Variants in NOS1 observed in about 807,000 individuals in gnomAD.
The protein encoded by NOS1 is nitric oxide synthase 1.
Under a neutral mutation model 164.5 loss-of-function variants are expected in NOS1, and 51 were observed. The observed-to-expected ratio is 0.31, with a 90% CI of 0.25 to 0.39. The LOEUF is 0.39. Ranked by LOEUF, NOS1 falls within the 10% of genes least tolerant of loss-of-function variation. The pLI, the probability that NOS1 is intolerant of heterozygous loss-of-function variation, is 1.00. For synonymous variants in NOS1, 719 were observed against 745.8 expected (o/e 0.96, Z 0.59); for missense variants, 1,362 against 1,885.6 (o/e 0.72, Z 5.14).
chr12:117,220,651 T>C (rs1566024031), intron 26 of NOS1, among the ~76,000 whole-genome samples: 1 of 152,078 alleles, frequency 6.6e-6, no homozygotes, highest in Non-Finnish European at 1.5e-5. Flanking sequence ...CATTTCCAGG[T>C]GTGCAGCTGG....
chr12:117,306,990 C>T (rs530535822), intron 3 of NOS1, among the ~76,000 whole-genome samples: 1 of 152,214 alleles, frequency 6.6e-6, no homozygotes, highest in Non-Finnish European at 1.5e-5. Flanking sequence ...CTTCAAAACC[C>T]TGAGGTCCTG....
chr12:117,296,165 A>G (rs1873402635), intron 3 of NOS1, among the ~76,000 whole-genome samples: 1 of 152,172 alleles, frequency 6.6e-6, no homozygotes, highest in Non-Finnish European at 1.5e-5. Flanking sequence ...AGTTTGTTCT[A>G]TCCCTGAAAC....
At chr12:117,335,714 T>C (rs914559171) in intron 1 of NOS1, among the ~76,000 whole-genome samples, 2 of 99,620 alleles carry the variant, frequency 2.0e-5, no homozygotes, top group African/African-American at 8.2e-5. Context: ...TTTTATTTAA[T>C]TGTTACAGAC....
At chr12:117,232,418 A>T (rs758374343) in intron 21 of NOS1, among the ~76,000 whole-genome samples, 31 of 152,120 alleles carry the variant, frequency 2.0e-4, no homozygotes, top group African/African-American at 6.5e-4. Flanking sequence ...CTATACAATG[A>T]GCCCCCAGCT....
rs551441757 is a variant in NOS1, at chr12:117,289,678, C to A, written c.981+620G>T. On this transcript the variant is annotated intron_variant, in intron 4 of 28. Transcript: ENST00000317775. ...TCCTAATGAGGAGCACTCTTTTTTA[C>A]AGACTAAGAGTATTTAAGGGTTTAG... 2.4e-4 allele frequency among the ~76,000 whole-genome samples: 37 copies of A among 152,282 alleles called. 1 individual carries two copies. Among genetic ancestry groups the A allele is most frequent in the African/African-American group, 8.9e-4 (37 of 41,556 alleles).
At chr12:117,283,648 G>A (rs942176689) in intron 7 of NOS1, among the ~76,000 whole-genome samples, 2 of 152,040 alleles carry the variant, frequency 1.3e-5, no homozygotes, top group African/African-American at 2.4e-5. Flanking sequence ...CTGAGGTCAG[G>A]AGTTTGAAAC....
In NOS1 at chr12:117,334,355, G is replaced by A. The variant is rs943047465; in HGVS notation, c.-420-2866C>T. Among the ~76,000 whole-genome samples, 3 of 152,154 alleles carry A rather than the reference G, an allele frequency of 2.0e-5. No homozygotes were observed. In the East Asian group the frequency reaches 5.8e-4, roughly 29 times the overall value. ...TTCTGTCTGCTGAGAGACAGAGACA[G>A]AGAGGGAGGGAGACAGCAAGCTCTG... On this transcript the variant is annotated intron_variant, in intron 1 of 28. Transcript: ENST00000317775.
Position 117,232,067 on chromosome 12 carries a change from C to T in NOS1, c.3300G>A (p.Lys1100=). 1 of 1,612,282 alleles carries T rather than the reference C, an allele frequency of 6.2e-7. No homozygotes were observed. The part of the protein sequence containing the change: ...LPPCTIFQAF[K]YYLDITTPPT... ...GTGGCGTGGTGATGTCCAGGTAGTA[C>T]TTGAAGGCCTGGAAGATGGTGCAGG... The change falls in exon 22 of 29, where the codon AAG becomes AAA. Residue 1100 remains lysine (K), a synonymous_variant. Coordinates refer to ENST00000317775, the MANE Select transcript of NOS1 (RefSeq NM_000620.5).
In NOS1 at chr12:117,292,043, C is replaced by T. The variant is rs149272662; in HGVS notation, c.853-1617G>A. Among the ~76,000 whole-genome samples the T allele has an allele frequency of 8.7e-3, 1,319 of 152,256 alleles. 25 individuals are homozygous for T. Among genetic ancestry groups the T allele is most frequent in the African/African-American group, 0.03 (1,240 of 41,556 alleles). ...CAAAGAGTACATCAGTGCACAGTGA[C>T]CTTGAGGCAGGGCATTCATACATTC... is the stretch of plus-strand genomic sequence containing the variant. On this transcript the variant is annotated intron_variant, in intron 3 of 28. Transcript: ENST00000317775.
chr12:117,236,365 A>G (rs1333550125), intron 20 of NOS1, among the ~76,000 whole-genome samples: 5 of 152,134 alleles, frequency 3.3e-5, no homozygotes, highest in Admixed American at 6.5e-5. Flanking sequence ...ACAAATAGCC[A>G]CCATTATTAA....
At chr12:117,250,460 C>A (rs1262268565) in intron 17 of NOS1, among the ~76,000 whole-genome samples, 1 of 151,754 alleles carries the variant, frequency 6.6e-6, no homozygotes. Context: ...TCCAGAGTAG[C>A]TGGGATTACA....
At chr12:117,286,358 T>G in intron 5 of NOS1, 92 bp from the exon 6 acceptor site, 1 of 1,382,684 alleles carries the variant, frequency 7.2e-7, no homozygotes, top group Non-Finnish European at 9.8e-7. Context: ...GGCTGGAAGC[T>G]ACAAAAAATT....
At chr12:117,250,548 C>T (rs372748857) in intron 17 of NOS1, among the ~76,000 whole-genome samples, 3 of 151,910 alleles carry the variant, frequency 2.0e-5, no homozygotes, top group African/African-American at 4.8e-5. Flanking sequence ...ATGCTGGTGT[C>T]GAACTTCTGA....
chr12:117,328,240 G>A (rs568072321), intron 2 of NOS1, among the ~76,000 whole-genome samples: 2 of 152,058 alleles, frequency 1.3e-5, no homozygotes, highest in African/African-American at 2.4e-5. Flanking sequence ...GTGCGATCTC[G>A]GCTCACTGCA....
intron 16 of NOS1, among the ~76,000 whole-genome samples, chr12:117,256,532 C>T (rs945295464): frequency 6.6e-6 from 1 of 151,556 alleles, no homozygotes; most frequent in Non-Finnish European, 1.5e-5. Flanking sequence ...CTCGCCTCAG[C>T]CTCCCAAAAT....
intron 2 of NOS1, among the ~76,000 whole-genome samples, chr12:117,318,995 T>G (rs9658291): frequency 4.7e-4 from 71 of 152,292 alleles, no homozygotes; most frequent in Middle Eastern, 3.4e-3. Context: ...TCTGCAAAGC[T>G]TTTCTTCTAG....
chr12:117,266,268 C>A (rs546244523), intron 11 of NOS1, among the ~76,000 whole-genome samples: 1 of 152,246 alleles, frequency 6.6e-6, no homozygotes, highest in East Asian at 1.9e-4. Flanking sequence ...CCTTCCCACC[C>A]TTTCCCCGAG....
intron 3 of NOS1, among the ~76,000 whole-genome samples, chr12:117,295,591 T>C (rs572497013): frequency 1.3e-5 from 2 of 151,256 alleles, no homozygotes; most frequent in South Asian, 4.2e-4. Context: ...AATGCCGTCA[T>C]GTTAGAGATC....
chr12:117,219,987 C>T, intron 27 of NOS1, 88 bp downstream of exon 27: 2 of 1,313,500 alleles, frequency 1.5e-6, no homozygotes, highest in Admixed American at 2.1e-5. Flanking sequence ...TCGTGGCTCC[C>T]CTAATCATCA....
Sources: allele counts gnomAD v4.1 joint callset (sites outside exome capture counted in the v4.1 genomes callset), GRCh38; gene constraint gnomAD v4.1.1; transcripts MANE v1.5; gene names NCBI Gene and HGNC (gene_info 2026-07-23, HGNC 2026-07-21).